Variants in DGKD observed in about 807,000 individuals in gnomAD.
DGKD encodes the protein DAG kinase delta.
A neutral mutation model predicts 154.4 loss-of-function variants in DGKD; 68 were observed. That is an observed-to-expected ratio of 0.44 (90% confidence interval 0.36 to 0.54). DGKD has a LOEUF of 0.54. Ranked by LOEUF, DGKD falls within the 20% of genes least tolerant of loss-of-function variation. DGKD has a pLI of 0.00. For synonymous variants in DGKD, 693 were observed against 638.0 expected, an observed-to-expected ratio of 1.09 and a Z score of -1.30; for missense variants, 1,343 against 1,593.6, an observed-to-expected ratio of 0.84 and a Z score of 2.68.
At chr2:233,424,420 A>G (rs986666564) in intron 3 of DGKD, among the ~76,000 whole-genome samples, 42 of 152,210 alleles carry the variant, frequency 2.8e-4, no homozygotes, top group African/African-American at 9.4e-4. Context: ...ACTCTTGGGA[A>G]ACCTGGTCAG....
In DGKD at chr2:233,469,440, GC is replaced by G; in HGVS notation, c.3630del (p.Ala1211ProfsTer36). 1 of 1,596,002 alleles carries G rather than the reference GC, an allele frequency of 6.3e-7. No individual in the cohort carries two copies. Among genetic ancestry groups the G allele is most frequent in the Non-Finnish European group, 8.5e-7 (1 of 1,172,414 alleles). ...TGGCATCAAGGAGCTGAGCCGCAGCGCCCCCGCCGTCGAGGCCTAGCCTCTG... is the reference window on the plus strand; with the variant it reads ...TGGCATCAAGGAGCTGAGCCGCAGCGCCCCGCCGTCGAGGCCTAGCCTCTG... ...LCGIKELSRSAPAVEA is the reference protein window; with the variant it reads ...LCGIKELSRSXPAVEA On this transcript the variant is annotated frameshift_variant, in exon 30 of 30. Transcript: ENST00000264057. LOFTEE classifies it high-confidence loss of function.
chr2:233,368,598 C>G (rs1702155750), intron 1 of DGKD, among the ~76,000 whole-genome samples: 1 of 152,134 alleles, frequency 6.6e-6, no homozygotes, highest in Admixed American at 6.5e-5. Context: ...TTGCTGGATT[C>G]TTTGTTTAAT....
Position 233,459,907 on chromosome 2 carries a change from C to G in DGKD, c.2829+16C>G. 6.2e-7 allele frequency: 1 copy of G among 1,611,472 alleles called. No homozygotes were observed. The highest frequency in any genetic ancestry group is 1.7e-5 in the Admixed American group (1 of 59,868). ...CAGAGACAGGGTAAGAGCGGCTGCC[C>G]GCGGTACCTGGGTGGGGTACAGGGC... On this transcript the variant is annotated intron_variant, in intron 23 of 29. Coordinates refer to ENST00000264057, the MANE Select transcript of DGKD (RefSeq NM_152879.3). This position sits in a 1 kb window ranked among gnomAD's most constrained non-coding sequence, Gnocchi z 5.7.
rs1272191349 is a variant in DGKD at position 233,458,989 on chromosome 2, T to C, written c.2694+592T>C. Among the ~76,000 whole-genome samples the C allele has an allele frequency of 1.3e-5, 2 of 152,220 alleles. No homozygotes were observed. Among genetic ancestry groups the C allele is most frequent in the Non-Finnish European group, 2.9e-5 (2 of 68,048 alleles). Reference sequence around the variant, plus strand: ...GATAGAGCAGACCCAGGCTGGACTCTGCCCGTGTCTGCAGCTGTCAAAGCC... The same window carrying C: ...GATAGAGCAGACCCAGGCTGGACTCCGCCCGTGTCTGCAGCTGTCAAAGCC... On this transcript the variant is annotated intron_variant, in intron 22 of 29. Coordinates refer to ENST00000264057, the MANE Select transcript of DGKD (RefSeq NM_152879.3). This position sits in a 1 kb window ranked among gnomAD's most constrained non-coding sequence, Gnocchi z 6.6.
intron 27 of DGKD, among the ~76,000 whole-genome samples, chr2:233,465,247 A>G (rs1042471390): frequency 6.6e-6 from 1 of 152,226 alleles, no homozygotes; most frequent in Admixed American, 6.5e-5. Flanking sequence ...AAATTACAAA[A>G]ATAATAATAT....
intron 2 of DGKD, chr2:233,388,740 C>CTTTTTTTTTTTT (rs57415272): frequency 1.4e-5 from 1 of 69,278 alleles, no homozygotes; most frequent in African/African-American, 5.7e-5. Flanking sequence ...TATTGAAGTT[C>CTTTTTTTTTTTT]TTTTTTTTTT....
intron 3 of DGKD, among the ~76,000 whole-genome samples, chr2:233,418,692 C>T (rs2062023818): frequency 6.6e-6 from 1 of 152,176 alleles, no homozygotes; most frequent in South Asian, 2.1e-4. Context: ...CTGTGGGTGG[C>T]ACCTGTCAGT....
intron 3 of DGKD, among the ~76,000 whole-genome samples, chr2:233,413,728 T>A (rs1016175703): frequency 2.6e-5 from 4 of 152,202 alleles, no homozygotes; most frequent in African/African-American, 9.7e-5. Context: ...GCTGGCTGAG[T>A]CAGGCTGGCA....
chr2:233,363,054 A>G (rs1461660512), intron 1 of DGKD, among the ~76,000 whole-genome samples: 2 of 152,252 alleles, frequency 1.3e-5, no homozygotes, highest in African/African-American at 2.4e-5. Context: ...TGTATTTACT[A>G]TCTATACTTT....
rs1318024398 is a variant in DGKD at position 233,457,677 on chromosome 2, C to T, written c.2580+349C>T. The T allele has an allele frequency of 2.3e-6, 1 of 440,832 alleles. No individual in the cohort carries two copies. Among genetic ancestry groups the T allele is most frequent in the African/African-American group, 2.0e-5 (1 of 50,214 alleles). The allele number at this position is 440,832 out of a possible 1,614,324, so 27.3% of individuals were successfully genotyped here. A position where few individuals can be genotyped will look rare whatever the true frequency, so the allele number is the denominator to read the frequency against. On this transcript the variant is annotated intron_variant, in intron 21 of 29. Coordinates refer to ENST00000264057, the MANE Select transcript of DGKD (RefSeq NM_152879.3). The surrounding 1 kb of genome is among the most constrained non-coding windows in gnomAD (Gnocchi z 5.5). ...GGCAGAGGAGAGGGGGAGGCTGTTC[C>T]AGGCAGAGAGAATTGCACAGATGAA...
chr2:233,354,642 A>G lies in DGKD; in HGVS notation c.124A>G (p.Lys42Glu). 1.8e-6 allele frequency: 2 copies of G among 1,111,062 alleles called. No homozygotes were observed. Among genetic ancestry groups the G allele is most frequent in the Non-Finnish European group, 2.2e-6 (2 of 897,136 alleles). 68.8% of individuals were successfully genotyped at this position (1,111,062 alleles called of 1,614,324 possible). A position where few individuals can be genotyped will look rare whatever the true frequency, so the allele number is the denominator to read the frequency against. Residue 42 changes from lysine (K) to glutamate (E), a missense_variant, in exon 1 of 30, where the codon AAG becomes GAG. Physicochemically the swap from Lys to Glu is moderately conservative, Grantham distance 56 (BLOSUM62 1). Around this residue, in one of 6 missense-constraint regions of DGKD, gnomAD observed 332 missense variants for 400.1 expected, o/e 0.83. Coordinates refer to ENST00000264057, the MANE Select transcript of DGKD (RefSeq NM_152879.3). This position sits in a 1 kb window ranked among gnomAD's most constrained non-coding sequence, Gnocchi z 4.8. ...EPGSPQKLIR[K>E]VSTSGQIRQK... ...CGGCTCCCCACAGAAGCTCATCCGC[A>G]AGGTGTCCACGTCGGGTCAGATCCG...
At chr2:233,375,532 G>A (rs1181307851) in intron 1 of DGKD, among the ~76,000 whole-genome samples, 1 of 152,108 alleles carries the variant, frequency 6.6e-6, no homozygotes, top group Non-Finnish European at 1.5e-5. Flanking sequence ...GAGGTTGAAT[G>A]CTGATAGTGG....
intron 3 of DGKD, among the ~76,000 whole-genome samples, chr2:233,431,206 T>G (rs1051177396): frequency 6.6e-6 from 1 of 152,102 alleles, no homozygotes; most frequent in Non-Finnish European, 1.5e-5. Flanking sequence ...GCAAAAGAAA[T>G]CAAGAAAGTA....
At chr2:233,387,567 A>G (rs899247309) in intron 1 of DGKD, among the ~76,000 whole-genome samples, 3 of 152,236 alleles carry the variant, frequency 2.0e-5, no homozygotes, top group African/African-American at 7.2e-5. Context: ...AGCCCCCTTC[A>G]TTCTTGGCTT....
chr2:233,419,991 C>T (rs1051555412), intron 3 of DGKD, among the ~76,000 whole-genome samples: 1 of 152,136 alleles, frequency 6.6e-6, no homozygotes, highest in African/African-American at 2.4e-5. Context: ...ACCTTGTTTT[C>T]AGACACTCGA....
At chr2:233,434,331 A>G (rs1384141800) in intron 3 of DGKD, 49 bp from the exon 4 acceptor site, 1 of 1,454,698 alleles carries the variant, frequency 6.9e-7, no homozygotes, top group Non-Finnish European at 9.6e-7. Flanking sequence ...CATAGCTATC[A>G]GCACTTGCCT....
intron 3 of DGKD, among the ~76,000 whole-genome samples, chr2:233,403,722 C>T (rs184616309): frequency 6.6e-6 from 1 of 151,592 alleles, no homozygotes; most frequent in Non-Finnish European, 1.5e-5. Context: ...TCATTGCAAC[C>T]TCTGCCTCCC....
At chr2:233,388,895 G>C (rs764300603) in intron 2 of DGKD, 1 of 152,180 alleles carries the variant, frequency 6.6e-6, no homozygotes, top group Non-Finnish European at 1.5e-5. Context: ...ACAGGTGCCT[G>C]CAACCACGCC....
intron 3 of DGKD, among the ~76,000 whole-genome samples, chr2:233,412,811 G>A (rs1334468307): frequency 6.6e-6 from 1 of 152,106 alleles, no homozygotes; most frequent in African/African-American, 2.4e-5. Flanking sequence ...GTTGAATTTT[G>A]TCAAATGCTT....
Sources: allele counts gnomAD v4.1 joint callset (sites outside exome capture counted in the v4.1 genomes callset), GRCh38; gene constraint gnomAD v4.1.1; regional missense constraint gnomAD v4.1.1; non-coding constraint Gnocchi (gnomAD v3.1); transcripts MANE v1.5; gene names NCBI Gene and HGNC (gene_info 2026-07-23, HGNC 2026-07-21).